The following CACNA2D1 variants were observed in gnomAD, a reference collection of about 807,000 sequenced individuals.
CACNA2D1 encodes the protein voltage-dependent calcium channel subunit alpha-2/delta-1.
A neutral mutation model predicts 171.5 loss-of-function variants in CACNA2D1; 53 were observed. The observed-to-expected ratio is 0.31, with a 90% CI of 0.25 to 0.39. CACNA2D1 has a LOEUF of 0.39. CACNA2D1 is among the 10% of genes least tolerant of loss of function. The probability of loss-of-function intolerance (pLI) is 1.00; values close to 1 mark genes in which losing one functional copy is unlikely to be tolerated. For missense variants in CACNA2D1, 903 were observed against 1,299.8 expected, an observed-to-expected ratio of 0.69 and a Z score of 4.69; for synonymous variants, 442 against 443.1, an observed-to-expected ratio of 1.00 and a Z score of 0.03.
intron 3 of CACNA2D1, among the ~76,000 whole-genome samples, chr7:82,208,334 T>A (rs1005065348): frequency 3.3e-5 from 5 of 152,186 alleles, no homozygotes; most frequent in African/African-American, 1.2e-4. Context: ...CGACTTGATA[T>A]CATTAATAGT....
chr7:82,389,163 T>C (rs113834712), intron 1 of CACNA2D1, among the ~76,000 whole-genome samples: 82 of 145,416 alleles, frequency 5.6e-4, no homozygotes, highest in Middle Eastern at 3.6e-3. Context: ...TATATATATA[T>C]ATACACACAC....
chr7:82,227,957 C>T (rs1412862918), intron 3 of CACNA2D1, among the ~76,000 whole-genome samples: 1 of 152,026 alleles, frequency 6.6e-6, no homozygotes, highest in Admixed American at 6.6e-5. Flanking sequence ...CCCAAGTGTA[C>T]ATGTACCCCC....
chr7:82,064,988 G>T (rs920220246), intron 8 of CACNA2D1, among the ~76,000 whole-genome samples: 6 of 152,094 alleles, frequency 3.9e-5, no homozygotes, highest in Admixed American at 3.9e-4. Context: ...TATGCAGATG[G>T]TTCAGTGGTT....
At chr7:82,369,624 A>C (rs1230355041) in intron 1 of CACNA2D1, among the ~76,000 whole-genome samples, 2 of 152,108 alleles carry the variant, frequency 1.3e-5, no homozygotes, top group Non-Finnish European at 2.9e-5. Context: ...CTATGACCAT[A>C]AGCAAAATCC....
intron 3 of CACNA2D1, among the ~76,000 whole-genome samples, chr7:82,285,243 T>C (rs180950573): frequency 6.6e-6 from 1 of 152,118 alleles, no homozygotes; most frequent in South Asian, 2.1e-4. Context: ...CGCTCTTGCA[T>C]TCCTGTTCAA....
intron 6 of CACNA2D1, among the ~76,000 whole-genome samples, chr7:82,093,088 T>G (rs1050771875): frequency 1.3e-5 from 2 of 152,166 alleles, no homozygotes; most frequent in Admixed American, 6.5e-5. Flanking sequence ...AGCATGTGAA[T>G]GTATGTAATG....
chr7:82,161,915 A>G (rs1794984659), intron 4 of CACNA2D1, among the ~76,000 whole-genome samples: 1 of 152,054 alleles, frequency 6.6e-6, no homozygotes, highest in African/African-American at 2.4e-5. Flanking sequence ...AAAGACACAG[A>G]GGTACTGTAA....
intron 4 of CACNA2D1, among the ~76,000 whole-genome samples, chr7:82,152,161 A>G (rs950773973): frequency 1.3e-5 from 2 of 152,020 alleles, no homozygotes; most frequent in Non-Finnish European, 2.9e-5. Context: ...ATAAGTATTA[A>G]TATAATAATA....
chr7:82,059,349 G>A (rs1806323068), intron 10 of CACNA2D1, among the ~76,000 whole-genome samples: 1 of 151,926 alleles, frequency 6.6e-6, no homozygotes, highest in Admixed American at 6.6e-5. Context: ...TGAGTAGGAG[G>A]GTCTATGATG....
chr7:82,116,909 C>T, intron 6 of CACNA2D1, 135 bp downstream of exon 6: 3 of 948,568 alleles, frequency 3.2e-6, no homozygotes, highest in Non-Finnish European at 3.4e-6. Flanking sequence ...TCACATAAAT[C>T]AGAGTTTACC....
At chr7:82,340,227 T>C (rs1818459697) in intron 2 of CACNA2D1, among the ~76,000 whole-genome samples, 1 of 152,208 alleles carries the variant, frequency 6.6e-6, no homozygotes, top group Non-Finnish European at 1.5e-5. Context: ...CTTCTGAGGC[T>C]GCCTTGCCTC....
intron 28 of CACNA2D1, among the ~76,000 whole-genome samples, chr7:81,969,657 T>C (rs1279507510): frequency 1.3e-5 from 2 of 151,286 alleles, no homozygotes; most frequent in African/African-American, 4.8e-5. Flanking sequence ...ACAGATATGC[T>C]ATCTCTAAAT....
At chr7:82,111,868 C>T (rs571027285) in intron 6 of CACNA2D1, among the ~76,000 whole-genome samples, 2 of 152,108 alleles carry the variant, frequency 1.3e-5, no homozygotes, top group South Asian at 4.1e-4. Flanking sequence ...AATCACAGAA[C>T]AAATGTGATT....
chr7:81,959,488 C>T, intron 37 of CACNA2D1, 131 bp from the exon 38 acceptor site: 1 of 779,764 alleles, frequency 1.3e-6, no homozygotes, highest in South Asian at 1.5e-5. Context: ...CAACACAATT[C>T]AAGTACATAG....
chr7:82,308,880 G>A (rs759874808), intron 3 of CACNA2D1, among the ~76,000 whole-genome samples: 2 of 152,186 alleles, frequency 1.3e-5, no homozygotes, highest in South Asian at 2.1e-4. Context: ...AGAAGTGCAA[G>A]TTTAAGGTTG....
chr7:82,426,160 TAAATAAATAAATA>T (rs1281169942), intron 1 of CACNA2D1, among the ~76,000 whole-genome samples: 2 of 132,924 alleles, frequency 1.5e-5, no homozygotes, highest in African/African-American at 3.2e-5. Flanking sequence ...AATAAATAAA[TAAATAAATAAATA>T]AATAAATACA....
intron 1 of CACNA2D1, among the ~76,000 whole-genome samples, chr7:82,422,352 G>A (rs76888074): frequency 0.014 from 2,205 of 152,080 alleles, 50 homozygotes; most frequent in African/African-American, 0.051. Flanking sequence ...TATTTATAAG[G>A]AAATTTATCA....
intron 3 of CACNA2D1, among the ~76,000 whole-genome samples, chr7:82,291,022 A>C (rs1016847176): frequency 9.7e-5 from 14 of 145,052 alleles, no homozygotes; most frequent in Admixed American, 5.6e-4. Context: ...GTTGCCCAAG[A>C]TGGAGTACAG....
intron 6 of CACNA2D1, among the ~76,000 whole-genome samples, chr7:82,090,311 T>A (rs969932703): frequency 5.3e-5 from 8 of 152,206 alleles, no homozygotes; most frequent in African/African-American, 1.7e-4. Flanking sequence ...GAAAAACATT[T>A]GTTAGGACTT....
Sources: gnomAD v4.1 joint callset for allele counts (sites outside exome capture counted in the v4.1 genomes callset) on GRCh38, gnomAD v4.1.1 for gene constraint, MANE v1.5 for transcripts, NCBI Gene and HGNC (gene_info 2026-07-23, HGNC 2026-07-21) for gene names.